ARNT2: variants seen among roughly 807,000 people sequenced by gnomAD.
ARNT2 encodes the protein aryl hydrocarbon receptor nuclear translocator 2, also known as ARNT protein 2.
ARNT2 carries 36 observed loss-of-function variants against 91.7 expected under a neutral mutation model. The observed-to-expected ratio is 0.39, with a 90% CI of 0.30 to 0.52. The LOEUF is 0.52. Among genes scored for constraint, ARNT2 ranks in the 20% least tolerant of loss-of-function variants. ARNT2 has a pLI of 0.72. For missense variants in ARNT2, 775 were observed against 939.3 expected, an observed-to-expected ratio of 0.83 and a Z score of 2.29; for synonymous variants, 365 against 347.1, an observed-to-expected ratio of 1.05 and a Z score of -0.57.
At chr15:80,426,608 C>T (rs1895935626) in intron 1 of ARNT2, among the ~76,000 whole-genome samples, 1 of 152,186 alleles carries the variant, frequency 6.6e-6, no homozygotes, top group Non-Finnish European at 1.5e-5. Flanking sequence ...GGTTGTTCCT[C>T]TCTTGGAGTC....
At chr15:80,501,638 G>A (rs1897193933) in intron 5 of ARNT2, among the ~76,000 whole-genome samples, 1 of 152,324 alleles carries the variant, frequency 6.6e-6, no homozygotes, top group African/African-American at 2.4e-5. Context: ...GGAGGCAGGG[G>A]CTAACTCCCG....
chr15:80,533,912 C>A (rs745428207), intron 8 of ARNT2, among the ~76,000 whole-genome samples: 3 of 152,234 alleles, frequency 2.0e-5, no homozygotes, highest in African/African-American at 4.8e-5. Context: ...GTCCTCTTTT[C>A]ACCTCACTGT....
At position 80,591,718 on chromosome 15, in the gene ARNT2, G is replaced by A. The variant is rs183361670; in HGVS notation, c.2055+14G>A. The A allele has an allele frequency of 1.8e-5, 29 of 1,613,620 alleles. No individual in the cohort carries two copies. The African/African-American group carries it at 3.2e-4, about 18-fold the overall frequency. ...GAAGTGTTCCAGGTAAATCGAGCGA[G>A]CACCGCCTTCTCGTAGGTACCGGCG... On this transcript the variant is annotated intron_variant, in intron 18 of 18. Coordinates refer to ENST00000303329, the MANE Select transcript of ARNT2 (RefSeq NM_014862.4). The surrounding 1 kb of genome is among the most constrained non-coding windows in gnomAD (Gnocchi z 5.1).
rs931248402 is a variant in ARNT2, at chr15:80,569,272, G to T, written c.1317-4876G>T. 2.0e-5 allele frequency among the ~76,000 whole-genome samples: 3 copies of T among 152,158 alleles called. No individual in the cohort carries two copies. The East Asian group carries it at 5.8e-4, about 29-fold the overall frequency. Reference sequence around the variant, plus strand: ...TCCTGCACCTCGCCGGCAGGAAGCCGCACTTGATGCATTCACTTTCTACTC... The same window carrying T: ...TCCTGCACCTCGCCGGCAGGAAGCCTCACTTGATGCATTCACTTTCTACTC... On this transcript the variant is annotated intron_variant, in intron 12 of 18. Transcript: ENST00000303329.
Position 80,543,705 on chromosome 15 carries a change from A to T in ARNT2, c.878-7494A>T, listed in dbSNP as rs567785109. ...ATTGTTATGTCAAGTTTACTAATCT[A>T]CCTTGTCTAATATGCAATTAATACC... On this transcript the variant is annotated intron_variant, in intron 8 of 18. Transcript: ENST00000303329. Among the ~76,000 whole-genome samples the T allele has an allele frequency of 6.6e-5, 10 of 152,294 alleles. No individual in the cohort carries two copies. The South Asian group carries it at 1.5e-3, about 22-fold the overall frequency.
chr15:80,527,779 C>A (rs983091987), intron 8 of ARNT2, among the ~76,000 whole-genome samples: 3 of 152,146 alleles, frequency 2.0e-5, no homozygotes, highest in African/African-American at 4.8e-5. Flanking sequence ...GATGCCCTTA[C>A]CATAATTTTC....
chr15:80,535,800 A>G (rs1231296682), intron 8 of ARNT2, among the ~76,000 whole-genome samples: 3 of 151,394 alleles, frequency 2.0e-5, no homozygotes, highest in East Asian at 1.9e-4. Flanking sequence ...TACTCAGAGC[A>G]CTCATTACAA....
intron 5 of ARNT2, chr15:80,487,902 C>T (rs1897001288): frequency 1.3e-5 from 2 of 152,194 alleles, no homozygotes; most frequent in Non-Finnish European, 2.9e-5. Context: ...AGAGAAATAA[C>T]GGAGAGGACA....
intron 12 of ARNT2, among the ~76,000 whole-genome samples, chr15:80,564,012 A>G (rs540389502): frequency 2.0e-5 from 3 of 152,344 alleles, no homozygotes; most frequent in Admixed American, 6.5e-5. Context: ...TACAAGGCCA[A>G]GGAACCAACA....
chr15:80,593,873 C>T lies in ARNT2; in HGVS notation c.*175C>T, dbSNP rs1184163039. The T allele has an allele frequency of 1.0e-5, 6 of 594,304 alleles. No individual in the cohort carries two copies. The highest frequency in any genetic ancestry group is 6.3e-5 in the South Asian group (3 of 47,426). The allele number at this position is 594,304 out of a possible 1,614,324, so 36.8% of individuals were successfully genotyped here. On this transcript the variant is annotated 3_prime_UTR_variant, in exon 19 of 19. Coordinates refer to ENST00000303329, the MANE Select transcript of ARNT2 (RefSeq NM_014862.4). ...ATTGCTCCACTCTCCCCTGCAGCCG[C>T]GGCTGCTCGGCCACTGACCAGGGGC...
intron 1 of ARNT2, chr15:80,434,395 A>G (rs1165752988): frequency 1.3e-5 from 2 of 152,218 alleles, no homozygotes; most frequent in African/African-American, 2.4e-5. Context: ...GAATAACGGA[A>G]TTGCCTTTGC....
chr15:80,444,261 C>T (rs1029345516), intron 1 of ARNT2: 30 of 154,454 alleles, frequency 1.9e-4, no homozygotes, highest in African/African-American at 7.0e-4. Flanking sequence ...ATGGAGGGCA[C>T]ACTTCCCCGC....
At chr15:80,443,031 G>A in intron 1 of ARNT2, 1 of 985,234 alleles carries the variant, frequency 1.0e-6, no homozygotes, top group Non-Finnish European at 1.2e-6. Flanking sequence ...TCCAGGTACA[G>A]TAAGAATGAA....
chr15:80,499,386 A>C (rs1254513519), intron 5 of ARNT2, among the ~76,000 whole-genome samples: 1 of 152,228 alleles, frequency 6.6e-6, no homozygotes, highest in African/African-American at 2.4e-5. Flanking sequence ...TAAAGAGTTA[A>C]TTCCCTTGTC....
At chr15:80,532,207 T>G (rs1009618211) in intron 8 of ARNT2, among the ~76,000 whole-genome samples, 1 of 152,180 alleles carries the variant, frequency 6.6e-6, no homozygotes, top group Admixed American at 6.5e-5. Context: ...AGGCCAAGTC[T>G]TTTGCAGTCA....
At chr15:80,516,794 C>T (rs1256669089) in intron 8 of ARNT2, among the ~76,000 whole-genome samples, 1 of 120,944 alleles carries the variant, frequency 8.3e-6, no homozygotes, top group African/African-American at 3.1e-5. Context: ...CCTAAGTTTG[C>T]AACATACATT....
Position 80,420,065 on chromosome 15 carries a change from C to A in ARNT2, c.31+15519C>A, listed in dbSNP as rs543948071. 3.3e-5 allele frequency among the ~76,000 whole-genome samples: 5 copies of A among 152,236 alleles called. No homozygotes were observed. In the East Asian group the frequency reaches 7.7e-4, roughly 24 times the overall value. On this transcript the variant is annotated intron_variant, in intron 1 of 18. Coordinates refer to ENST00000303329, the MANE Select transcript of ARNT2 (RefSeq NM_014862.4). Reference sequence around the variant, plus strand: ...CCAGCCATCCACGTATGTCTTTGAGCCTCTCTCCACATTTTATCATCTCAC... The same window carrying A: ...CCAGCCATCCACGTATGTCTTTGAGACTCTCTCCACATTTTATCATCTCAC...
intron 8 of ARNT2, among the ~76,000 whole-genome samples, chr15:80,514,700 C>T (rs1413979380): frequency 2.6e-5 from 4 of 152,162 alleles, no homozygotes; most frequent in Non-Finnish European, 5.9e-5. Context: ...CCCTGGCTAA[C>T]ACAGTGAAAT....
At chr15:80,497,939 G>C (rs1358648867) in intron 5 of ARNT2, among the ~76,000 whole-genome samples, 1 of 152,224 alleles carries the variant, frequency 6.6e-6, no homozygotes. Context: ...CCACTTTCGT[G>C]TTAGTCTCCA....
Sources: allele counts gnomAD v4.1 joint callset (sites outside exome capture counted in the v4.1 genomes callset), GRCh38; gene constraint gnomAD v4.1.1; non-coding constraint Gnocchi (gnomAD v3.1); transcripts MANE v1.5; gene names NCBI Gene and HGNC (gene_info 2026-07-23, HGNC 2026-07-21).